CDKAL1: variants seen among roughly 807,000 people sequenced by gnomAD.
The protein encoded by CDKAL1 is threonylcarbamoyladenosine tRNA methylthiotransferase.
In CDKAL1, 32 loss-of-function variants were observed where a neutral mutation model predicts 68.2. The observed-to-expected ratio is 0.47, with a 90% CI of 0.35 to 0.63. The LOEUF (loss-of-function observed/expected upper bound fraction) is 0.63. Among genes scored for constraint, CDKAL1 ranks in the 30% least tolerant of loss-of-function variants. The pLI is 0.00. For missense variants in CDKAL1, 606 were observed against 696.7 expected, an observed-to-expected ratio of 0.87 and a Z score of 1.47; for synonymous variants, 234 against 244.3, an observed-to-expected ratio of 0.96 and a Z score of 0.39.
intron 4 of CDKAL1, among the ~76,000 whole-genome samples, chr6:20,636,150 G>GGAGA (rs1220934856): frequency 6.6e-6 from 1 of 152,132 alleles, no homozygotes; most frequent in Non-Finnish European, 1.5e-5. Context: ...TTGTTTCAGG[G>GGAGA]GAGACAAGAG....
At chr6:20,976,073 T>A (rs1358502539) in intron 10 of CDKAL1, among the ~76,000 whole-genome samples, 1 of 152,204 alleles carries the variant, frequency 6.6e-6, no homozygotes, top group Non-Finnish European at 1.5e-5. Flanking sequence ...CTGCTCTTTT[T>A]ACTGTCTCCA....
chr6:20,689,667 G>A (rs1460343139), intron 5 of CDKAL1, among the ~76,000 whole-genome samples: 1 of 152,032 alleles, frequency 6.6e-6, no homozygotes, highest in Non-Finnish European at 1.5e-5. Flanking sequence ...GAGGTAAATG[G>A]TGTTTTTGTT....
At chr6:20,846,021 A>G (rs1451613410) in intron 8 of CDKAL1, 54 bp from the exon 9 acceptor site, 29 of 1,087,676 alleles carry the variant, frequency 2.7e-5, no homozygotes, top group Non-Finnish European at 3.6e-5. Context: ...CCCCATGTTA[A>G]GTATATGCTA....
chr6:21,217,742 C>T (rs1049240026), intron 15 of CDKAL1, among the ~76,000 whole-genome samples: 1 of 152,194 alleles, frequency 6.6e-6, no homozygotes, highest in African/African-American at 2.4e-5. Flanking sequence ...AAGTGATCCA[C>T]CCGCCTCGGC....
Position 21,201,199 on chromosome 6 carries a change from A to G in CDKAL1, c.1473A>G (p.Pro491=). 1 of 1,614,006 alleles carries G rather than the reference A, an allele frequency of 6.2e-7. No individual in the cohort carries two copies. The highest frequency in any genetic ancestry group is 8.5e-7 in the Non-Finnish European group (1 of 1,179,852). The change falls in exon 15 of 16, where the codon CCA becomes CCG. Residue 491 remains proline, a synonymous_variant. Coordinates refer to ENST00000274695, the MANE Select transcript of CDKAL1 (RefSeq NM_017774.3). ...GCAAACATTTTATGAAAGGGCAGCC[A>G]GTATCTGATGCCAAAGTGTACACGC... ...ESGKHFMKGQ[P]VSDAKVYTPS...
chr6:20,596,581 G>C (rs183505946), intron 4 of CDKAL1, among the ~76,000 whole-genome samples: 35 of 152,340 alleles, frequency 2.3e-4, no homozygotes, highest in African/African-American at 8.4e-4. Context: ...CAAGCCAGTA[G>C]ATCTTAGCTT....
In CDKAL1 at chr6:20,673,987, AT is replaced by A. The variant is rs952223646; in HGVS notation, c.371+24619del. Among the ~76,000 whole-genome samples, 899 of 150,504 alleles carry A rather than the reference AT, an allele frequency of 6.0e-3. 9 individuals are homozygous for A. The highest frequency in any genetic ancestry group is 0.021 in the African/African-American group (853 of 40,638). ...TATGTTCTTTGTTGCCTTTGTAAAT[AT>A]TTTTTTTTCTGCCTTTCATAGAGGA... On this transcript the variant is annotated intron_variant, in intron 5 of 15. Coordinates refer to ENST00000274695, the MANE Select transcript of CDKAL1 (RefSeq NM_017774.3).
At chr6:20,833,502 A>G (rs992843091) in intron 8 of CDKAL1, among the ~76,000 whole-genome samples, 3 of 152,138 alleles carry the variant, frequency 2.0e-5, no homozygotes, top group African/African-American at 7.2e-5. Flanking sequence ...TGGGTGGTAT[A>G]TACTCCTCTC....
intron 15 of CDKAL1, among the ~76,000 whole-genome samples, chr6:21,226,189 G>A (rs1469099415): frequency 6.6e-6 from 1 of 151,986 alleles, no homozygotes. Context: ...TGCTAAAGAC[G>A]AAGGAAATAG....
intron 13 of CDKAL1, among the ~76,000 whole-genome samples, chr6:21,123,420 C>T (rs1774827945): frequency 1.3e-5 from 2 of 152,172 alleles, no homozygotes; most frequent in South Asian, 4.1e-4. Context: ...CGCAGCACTG[C>T]ACTCCAGCCT....
In CDKAL1 at chr6:20,546,295, CG is replaced by C. The variant is rs2127652938; in HGVS notation, c.-5-50del. The C allele has an allele frequency of 2.1e-5, 29 of 1,382,236 alleles. No individual in the cohort carries two copies. The South Asian group carries it at 3.7e-4, about 18-fold the overall frequency. 85.6% of individuals were successfully genotyped at this position (1,382,236 alleles called of 1,614,324 possible). ...TGAGAATATTTCATAAATGATGCTA[CG>C]CTAAGCAGATTTTCATAAGTTGATT... is the stretch of plus-strand genomic sequence containing the variant. On this transcript the variant is annotated intron_variant, in intron 2 of 15. Coordinates refer to ENST00000274695, the MANE Select transcript of CDKAL1 (RefSeq NM_017774.3).
At chr6:21,075,950 A>G (rs969703386) in intron 12 of CDKAL1, among the ~76,000 whole-genome samples, 4 of 152,172 alleles carry the variant, frequency 2.6e-5, no homozygotes, top group African/African-American at 4.8e-5. Context: ...GAATGTTTAT[A>G]TAGCTTTAAG....
intron 13 of CDKAL1, among the ~76,000 whole-genome samples, chr6:21,130,487 A>G (rs1232479481): frequency 6.6e-6 from 1 of 152,156 alleles, no homozygotes; most frequent in East Asian, 1.9e-4. Context: ...GGCCTCCCAA[A>G]GTGCTGGGAT....
At chr6:20,832,484 A>C (rs1035582799) in intron 8 of CDKAL1, among the ~76,000 whole-genome samples, 2 of 151,920 alleles carry the variant, frequency 1.3e-5, no homozygotes, top group African/African-American at 2.4e-5. Flanking sequence ...AAAAAAAAAA[A>C]AAACAAAACA....
At chr6:21,168,173 G>A (rs561131438) in intron 13 of CDKAL1, among the ~76,000 whole-genome samples, 57 of 152,190 alleles carry the variant, frequency 3.7e-4, no homozygotes, top group Admixed American at 5.2e-4. Flanking sequence ...TGAAGTCAAT[G>A]TAAATCAAGT....
At chr6:21,222,670 C>G (rs1029299790) in intron 15 of CDKAL1, among the ~76,000 whole-genome samples, 3 of 152,092 alleles carry the variant, frequency 2.0e-5, no homozygotes, top group Non-Finnish European at 4.4e-5. Flanking sequence ...CCTGTATGTC[C>G]TGGTATCTGG....
At chr6:20,971,601 AACAATTTTATTACT>A (rs1765607629) in intron 10 of CDKAL1, among the ~76,000 whole-genome samples, 1 of 152,222 alleles carries the variant, frequency 6.6e-6, no homozygotes, top group Admixed American at 6.5e-5. Context: ...TTTAGAATAT[AACAATTTTATTACT>A]AACATATTTG....
At chr6:20,556,360 C>T (rs12200078) in intron 4 of CDKAL1, among the ~76,000 whole-genome samples, 8,131 of 151,046 alleles carry the variant, frequency 0.054, 234 homozygotes, top group Middle Eastern at 0.078. Context: ...ACTGAAACTC[C>T]GCCTCAAAAA....
intron 15 of CDKAL1, among the ~76,000 whole-genome samples, chr6:21,218,449 C>T (rs984926137): frequency 1.3e-5 from 2 of 152,224 alleles, no homozygotes; most frequent in Non-Finnish European, 2.9e-5. Context: ...CTAGGTGCAG[C>T]TTCTCTGGGT....
Sources: gnomAD v4.1 joint callset for allele counts (sites outside exome capture counted in the v4.1 genomes callset) on GRCh38, gnomAD v4.1.1 for gene constraint, MANE v1.5 for transcripts, NCBI Gene and HGNC (gene_info 2026-07-23, HGNC 2026-07-21) for gene names.